The following NCOA6 variants were observed in gnomAD, a reference collection of about 807,000 sequenced individuals.
NCOA6 encodes nuclear receptor coactivator 6, also known as NRC RAP250.
Under a neutral mutation model 171.4 loss-of-function variants are expected in NCOA6, and 49 were observed. The ratio of observed to expected loss-of-function variants is 0.29; its 90% confidence interval spans 0.23 to 0.36. The LOEUF (loss-of-function observed/expected upper bound fraction) is 0.36, where lower values mean the gene tolerates loss of function less well. Among genes scored for constraint, NCOA6 ranks in the 10% least tolerant of loss-of-function variants. The pLI is 1.00. For missense variants in NCOA6, 2,248 were observed against 2,554.5 expected (o/e 0.88, Z 2.59); for synonymous variants, 910 against 927.5 (o/e 0.98, Z 0.34).
chr20:34,735,364 G>A (rs2075919364), intron 12 of NCOA6, among the ~76,000 whole-genome samples: 1 of 152,136 alleles, frequency 6.6e-6, no homozygotes, highest in Non-Finnish European at 1.5e-5. Flanking sequence ...TGGGTGGCTG[G>A]GCCGGAAGTA....
At chr20:34,716,256 C>T (rs1167932526) in intron 14 of NCOA6, among the ~76,000 whole-genome samples, 2 of 149,068 alleles carry the variant, frequency 1.3e-5, no homozygotes, top group African/African-American at 4.9e-5. Flanking sequence ...TACATACAGT[C>T]ATGAATGCAA....
chr20:34,766,627 T>C (rs1049935647), intron 5 of NCOA6, among the ~76,000 whole-genome samples: 2 of 152,208 alleles, frequency 1.3e-5, no homozygotes, highest in African/African-American at 2.4e-5. Flanking sequence ...ATTTGCCAGA[T>C]ACTAGCCCAA....
At chr20:34,807,672 C>G (rs1023341688) in intron 1 of NCOA6, among the ~76,000 whole-genome samples, 1 of 151,936 alleles carries the variant, frequency 6.6e-6, no homozygotes, top group Non-Finnish European at 1.5e-5. Flanking sequence ...ACTACAGGTG[C>G]CTGCCACTAG....
In NCOA6 at chr20:34,750,092, A is replaced by G; in HGVS notation, c.2103T>C (p.Pro701=). The part of the protein sequence containing the change: ...MMAPHNQMMG[P]QGQVLLQQNP... The stretch of plus-strand genomic sequence containing the variant: ...TCTGTTGGAGCAAAACCTGCCCCTG[A>G]GGCCCCATCATCTGGTTATGTGGCG... The change falls in exon 9 of 15, where the codon CCT becomes CCC. Residue 701 remains proline (P), a synonymous_variant. Coordinates refer to ENST00000359003, the MANE Select transcript of NCOA6 (RefSeq NM_014071.5). 6.2e-7 allele frequency: 1 copy of G among 1,614,118 alleles called. No homozygotes were observed.
intron 5 of NCOA6, among the ~76,000 whole-genome samples, chr20:34,761,821 A>C (rs1053108621): frequency 2.0e-5 from 3 of 151,902 alleles, no homozygotes; most frequent in Admixed American, 2.0e-4. Flanking sequence ...ATGCCTGGCT[A>C]ATTTTTGTAT....
At chr20:34,785,442 T>TAAAAAAAA (rs765192660) in intron 2 of NCOA6, among the ~76,000 whole-genome samples, 1 of 110,386 alleles carries the variant, frequency 9.1e-6, no homozygotes, top group African/African-American at 3.4e-5. Flanking sequence ...TTTTAAAAAT[T>TAAAAAAAA]AAAAAAAAAA....
At chr20:34,740,245 G>T in intron 11 of NCOA6, 118 bp downstream of exon 11, 2 of 1,278,938 alleles carry the variant, frequency 1.6e-6, no homozygotes, top group Non-Finnish European at 2.1e-6. Flanking sequence ...TAAAACTACT[G>T]CTATTGCCAT....
At chr20:34,771,248 T>C (rs2146011921) in intron 4 of NCOA6, among the ~76,000 whole-genome samples, 1 of 152,268 alleles carries the variant, frequency 6.6e-6, no homozygotes, top group African/African-American at 2.4e-5. Flanking sequence ...GCTTCCCAAG[T>C]AGGTGGGACT....
In NCOA6 at chr20:34,715,261, C is replaced by CAA. The variant is rs965085322; in HGVS notation, c.*59_*60dup. 4.7e-5 allele frequency: 75 copies of CAA among 1,610,378 alleles called. No individual in the cohort carries two copies. The African/African-American group carries it at 9.5e-4, about 20-fold the overall frequency. ...AAATTGATTTAAAAAAGTCACAGCT[C>CAA]AAAATTGCTCTTTGTAAAAGTCACA... On this transcript the variant is annotated 3_prime_UTR_variant, in exon 15 of 15. Coordinates refer to ENST00000359003, the MANE Select transcript of NCOA6 (RefSeq NM_014071.5).
At chr20:34,777,983 C>A (rs2077387092) in intron 3 of NCOA6, among the ~76,000 whole-genome samples, 1 of 152,212 alleles carries the variant, frequency 6.6e-6, no homozygotes, top group African/African-American at 2.4e-5. Flanking sequence ...TCTTGGCTCA[C>A]TGCAACCTCC....
intron 2 of NCOA6, among the ~76,000 whole-genome samples, chr20:34,783,342 G>A (rs1017537054): frequency 7.9e-5 from 12 of 152,080 alleles, no homozygotes; most frequent in African/African-American, 2.2e-4. Flanking sequence ...ACTGTGTTCC[G>A]GACAGAATTA....
intron 5 of NCOA6, among the ~76,000 whole-genome samples, chr20:34,766,451 C>CA (rs1481737232): frequency 2.0e-5 from 3 of 151,830 alleles, no homozygotes; most frequent in Non-Finnish European, 1.5e-5. Flanking sequence ...CCTGTCTCTA[C>CA]AAAAAACAAT....
intron 1 of NCOA6, among the ~76,000 whole-genome samples, chr20:34,807,289 T>C (rs1343455638): frequency 1.3e-5 from 2 of 152,074 alleles, no homozygotes. Context: ...AACAGATTAT[T>C]CCCCAGCCAA....
chr20:34,740,238 AACT>A (rs2076090407), intron 11 of NCOA6, 122 bp downstream of exon 11: 1 of 1,251,644 alleles, frequency 8.0e-7, no homozygotes, highest in Non-Finnish European at 1.1e-6. Flanking sequence ...CAATAAATAA[AACT>A]ACTGCTATTG....
chr20:34,817,673 T>C (rs2078887316), intron 1 of NCOA6, among the ~76,000 whole-genome samples: 1 of 151,994 alleles, frequency 6.6e-6, no homozygotes, highest in Non-Finnish European at 1.5e-5. Flanking sequence ...TAAATGAATA[T>C]ACCAGACATC....
At chr20:34,735,693 A>G (rs2145454649) in intron 12 of NCOA6, among the ~76,000 whole-genome samples, 1 of 152,234 alleles carries the variant, frequency 6.6e-6, no homozygotes, top group Admixed American at 6.5e-5. Flanking sequence ...GGTGGCTGAA[A>G]TGTTTTTTGC....
At chr20:34,814,681 T>C (rs1160689852) in intron 1 of NCOA6, among the ~76,000 whole-genome samples, 3 of 152,108 alleles carry the variant, frequency 2.0e-5, no homozygotes, top group African/African-American at 7.2e-5. Context: ...AACCTCTGCC[T>C]CCCAGGTTCA....
intron 13 of NCOA6, among the ~76,000 whole-genome samples, chr20:34,729,219 G>C (rs1990324095): frequency 6.6e-6 from 1 of 152,208 alleles, no homozygotes; most frequent in Non-Finnish European, 1.5e-5. Flanking sequence ...CCAAAGTGCT[G>C]GGATTACAGG....
intron 4 of NCOA6, among the ~76,000 whole-genome samples, chr20:34,769,818 A>C (rs1433993069): frequency 1.3e-5 from 2 of 151,564 alleles, no homozygotes; most frequent in Admixed American, 1.3e-4. Flanking sequence ...AAGCAACAGA[A>C]TGTTTCTTGC....
Sources: allele counts gnomAD v4.1 joint callset (sites outside exome capture counted in the v4.1 genomes callset), GRCh38; gene constraint gnomAD v4.1.1; transcripts MANE v1.5; gene names NCBI Gene and HGNC (gene_info 2026-07-23, HGNC 2026-07-21).